HSPG2: variants seen among roughly 807,000 people sequenced by gnomAD.
HSPG2 encodes the protein basement membrane-specific heparan sulfate proteoglycan core protein.
HSPG2 carries 278 observed loss-of-function variants against 526.6 expected under a neutral mutation model. The ratio of observed to expected loss-of-function variants is 0.53; its 90% CI spans 0.48 to 0.58. The LOEUF (loss-of-function observed/expected upper bound fraction) is 0.58, where lower values mean the gene tolerates loss of function less well. Among genes scored for constraint, HSPG2 ranks in the 20% least tolerant of loss-of-function variants. The pLI is 0.00. For synonymous variants in HSPG2, 2,465 were observed against 2,555.4 expected (o/e 0.96, Z 1.07); for missense variants, 5,354 against 6,099.5 (o/e 0.88, Z 4.07).
intron 33 of HSPG2, among the ~76,000 whole-genome samples, chr1:21,868,530 C>T (rs1001941952): frequency 3.3e-5 from 5 of 152,198 alleles, no homozygotes; most frequent in African/African-American, 1.2e-4. Context: ...ACGCAGCACA[C>T]AGTAAATAAT....
Position 21,842,042 on chromosome 1 carries a change from G to A in HSPG2, c.9153C>T (p.Pro3051=). The A allele has an allele frequency of 1.9e-6, 3 of 1,613,600 alleles. No individual in the cohort carries two copies. Among genetic ancestry groups the A allele is most frequent in the Non-Finnish European group, 2.5e-6 (3 of 1,180,028 alleles). ...TCCGGGTCTTCCACTCGAGGCTGATGGGGGCTGCCCCGTCATGGATGAGGC... is the reference window on the plus strand; with the variant it reads ...TCCGGGTCTTCCACTCGAGGCTGATAGGGGCTGCCCCGTCATGGATGAGGC... ...FKCLIHDGAA[P]ISLEWKTRNQ... The change falls in exon 69 of 97, where the codon CCC becomes CCT. Residue 3051 remains proline (P), a synonymous_variant. Transcript: ENST00000374695.
chr1:21,921,019 C>T (rs1337183870), intron 1 of HSPG2, among the ~76,000 whole-genome samples: 1 of 152,236 alleles, frequency 6.6e-6, no homozygotes. Context: ...GATTCAATTT[C>T]CCTTTCTCCT....
intron 1 of HSPG2, among the ~76,000 whole-genome samples, chr1:21,915,233 G>A (rs1161235308): frequency 2.6e-5 from 4 of 152,248 alleles, no homozygotes; most frequent in Non-Finnish European, 5.9e-5. Flanking sequence ...TCTCTACACC[G>A]CTAAGGGGCC....
rs897753273 is a variant in HSPG2, at chr1:21,835,599, A to G, written c.10394T>C (p.Ile3465Thr). The change falls in exon 76 of 97, where the codon ATA (isoleucine) becomes ACA (threonine). Residue 3465 changes from isoleucine (I) to threonine (T), a missense_variant. By Grantham distance (89) the Ile-to-Thr change is moderately conservative (BLOSUM62 -1). Transcript: ENST00000374695. The part of the protein sequence containing the change: ...NLDQSCQGTY[I>T]CQAHGPWGKA... ...CCCCCAAGGTCCATGGGCCTGGCAT[A>G]TATACGTCCCTTGGCAGCTCTGGTC... 3.1e-6 allele frequency: 5 copies of G among 1,614,038 alleles called. No individual in the cohort carries two copies. Among genetic ancestry groups the G allele is most frequent in the Non-Finnish European group, 4.2e-6 (5 of 1,179,986 alleles).
In HSPG2 at chr1:21,829,409, A is replaced by C; in HGVS notation, c.11966T>G (p.Leu3989Arg). Residue 3989 changes from leucine to arginine, a missense_variant, in exon 87 of 97, where the codon CTG becomes CGG. Transcript: ENST00000374695. ...TGACCCCAACTCATAGCGGAACTCC[A>C]GGTGGCCGCCCACCATCGCCAGGGA... ...FVSLAMVGGH[L>R]EFRYELGSGL... 1 of 1,613,372 alleles carries C rather than the reference A, an allele frequency of 6.2e-7. No homozygotes were observed. Among genetic ancestry groups the C allele is most frequent in the South Asian group, 1.1e-5 (1 of 91,078 alleles).
chr1:21,929,648 T>C (rs1317907310), intron 1 of HSPG2, among the ~76,000 whole-genome samples: 1 of 138,706 alleles, frequency 7.2e-6, no homozygotes, highest in Non-Finnish European at 1.5e-5. Context: ...AAGACACAAA[T>C]AAATTAACTG....
rs1572142291 is a variant in HSPG2 at position 21,828,117 on chromosome 1, G to A, written c.12445C>T (p.Leu4149Phe). ...LCEHEENPCQ[L>F]REPCLHGGTC... ...CCCCCATGCAGACAGGGTTCACGGA[G>A]CTGGCAGGGGTTCTCCTCGTGCTCA... Residue 4149 changes from leucine (L) to phenylalanine (F), a missense_variant, in exon 90 of 97, where the codon CTC becomes TTC. Physicochemically the swap from Leu to Phe is conservative, Grantham distance 22 (BLOSUM62 0). Coordinates refer to ENST00000374695, the MANE Select transcript of HSPG2 (RefSeq NM_005529.7). This position sits in a 1 kb window ranked among gnomAD's most constrained non-coding sequence, Gnocchi z 6.0. 1 of 1,613,148 alleles carries A rather than the reference G, an allele frequency of 6.2e-7. No individual in the cohort carries two copies. The highest frequency in any genetic ancestry group is 1.3e-5 in the African/African-American group (1 of 74,984).
rs140928019 is a variant in HSPG2 at position 21,841,669 on chromosome 1, G to T, written c.9198C>A (p.Asn3066Lys). The T allele has an allele frequency of 1.2e-6, 2 of 1,614,046 alleles. No homozygotes were observed. The highest frequency in any genetic ancestry group is 1.7e-5 in the Admixed American group (1 of 60,006). ...WKTRNQELED[N>K]VHISPNGSII... is the part of the protein sequence containing the mutation. Reference sequence around the variant, plus strand: ...TGGAGCCATTGGGACTGATGTGGACGTTGTCTGTGAGGTTGCATGGGGGAG... The same window carrying T: ...TGGAGCCATTGGGACTGATGTGGACTTTGTCTGTGAGGTTGCATGGGGGAG... Residue 3066 changes from asparagine (N) to lysine (K), a missense_variant, in exon 70 of 97, where the codon AAC (asparagine) becomes AAA (lysine). Transcript: ENST00000374695.
At chr1:21,863,067 A>AAAAAAAAAAAAAAC (rs1475201448) in intron 37 of HSPG2, among the ~76,000 whole-genome samples, 45 of 75,222 alleles carry the variant, frequency 6.0e-4, no homozygotes, top group South Asian at 2.5e-3. Context: ...TCTCAAAAAA[A>AAAAAAAAAAAAAAC]AAAAAAAAAA....
chr1:21,876,699 G>T, intron 21 of HSPG2, 47 bp from the exon 22 acceptor site: 1 of 1,613,010 alleles, frequency 6.2e-7, no homozygotes, highest in Non-Finnish European at 8.5e-7. Context: ...GGGAGAGGCT[G>T]CCTGGAGCTC....
In HSPG2 at chr1:21,916,988, G is replaced by A. The variant is rs112664254; in HGVS notation, c.63+20167C>T. On this transcript the variant is annotated intron_variant, in intron 1 of 96. Coordinates refer to ENST00000374695, the MANE Select transcript of HSPG2 (RefSeq NM_005529.7). ...AGGCTGGAAACGGCTAACGGAAATC[G>A]AACATGTGTGGTGATAAGGCTGCCT... 2.6e-4 allele frequency among the ~76,000 whole-genome samples: 40 copies of A among 152,312 alleles called. 1 individual carries two copies. The highest frequency in any genetic ancestry group is 2.1e-3 in the East Asian group (11 of 5,184).
At position 21,829,401 on chromosome 1, in the gene HSPG2, G is replaced by A. The variant is rs150012971; in HGVS notation, c.11974C>T (p.Arg3992Cys). The A allele has an allele frequency of 1.6e-5, 26 of 1,613,364 alleles. No homozygotes were observed. The Admixed American group carries it at 1.7e-4, about 10-fold the overall frequency. The change falls in exon 87 of 97, where the codon CGC (arginine) becomes TGC (cysteine). Residue 3992 changes from arginine to cysteine, a missense_variant. Transcript: ENST00000374695. ...TGCTTACCTGACCCCAACTCATAGC[G>A]GAACTCCAGGTGGCCGCCCACCATC... ...LAMVGGHLEF[R>C]YELGSGLAVL...
In HSPG2 at chr1:21,896,239, T is replaced by C. The variant is rs540823413; in HGVS notation, c.135A>G (p.Gln45=). The C allele has an allele frequency of 1.9e-6, 3 of 1,613,920 alleles. No individual in the cohort carries two copies. In the Admixed American group the frequency reaches 5.0e-5, roughly 27 times the overall value. The change falls in exon 2 of 97, where the codon CAA becomes CAG. Residue 45 remains glutamine, a synonymous_variant. Coordinates refer to ENST00000374695, the MANE Select transcript of HSPG2 (RefSeq NM_005529.7). Reference sequence around the variant, plus strand: ...AAAGGTACGAATGTGTCCAGCGCATTTGGCTTGCTGTGACGGTCTCTATGT... The same window carrying C: ...AAAGGTACGAATGTGTCCAGCGCATCTGGCTTGCTGTGACGGTCTCTATGT... ...PEDIETVTAS[Q]MRWTHSYLSD... is the part of the protein sequence containing the mutation.
At chr1:21,850,285 C>T in intron 56 of HSPG2, 78 bp downstream of exon 56, 1 of 1,609,218 alleles carries the variant, frequency 6.2e-7, no homozygotes, top group South Asian at 1.1e-5. Context: ...GCGGCTTGGC[C>T]TCCTGATCCT....
chr1:21,890,199 C>T lies in HSPG2; in HGVS notation c.414-58G>A. ...AGCGAGACACCTGTGTTCTCAGCTC[C>T]TCCATGAGGCTCCCGCCCCGACGCT... On this transcript the variant is annotated intron_variant, in intron 5 of 96. Coordinates refer to ENST00000374695, the MANE Select transcript of HSPG2 (RefSeq NM_005529.7). The surrounding 1 kb of genome is among the most constrained non-coding windows in gnomAD (Gnocchi z 4.1). 1 of 1,594,184 alleles carries T rather than the reference C, an allele frequency of 6.3e-7. No individual in the cohort carries two copies. Among genetic ancestry groups the T allele is most frequent in the African/African-American group, 1.3e-5 (1 of 74,726 alleles).
intron 1 of HSPG2, among the ~76,000 whole-genome samples, chr1:21,907,091 T>C (rs66850327): frequency 0.3 from 45,957 of 152,070 alleles, 7,451 homozygotes; most frequent in East Asian, 0.45. Context: ...CTTCCCTCCC[T>C]GGCCATCAGT....
intron 37 of HSPG2, among the ~76,000 whole-genome samples, chr1:21,862,583 C>CAAAAAAAAAAAAAAA (rs1164705115): frequency 1.1e-4 from 1 of 9,274 alleles, no homozygotes; most frequent in Non-Finnish European, 4.5e-4. Context: ...GACTCCATCT[C>CAAAAAAAAAAAAAAA]AAAAAAAAAA....
At chr1:21,914,563 T>C (rs1243963467) in intron 1 of HSPG2, among the ~76,000 whole-genome samples, 2 of 151,976 alleles carry the variant, frequency 1.3e-5, no homozygotes, top group Non-Finnish European at 2.9e-5. Context: ...ACAACTCCCA[T>C]GGGGAGGAGC....
At chr1:21,860,832 G>A (rs370705566) in intron 39 of HSPG2, among the ~76,000 whole-genome samples, 2 of 152,302 alleles carry the variant, frequency 1.3e-5, no homozygotes, top group South Asian at 2.1e-4. Context: ...TGTGCTATAG[G>A]TGTTGGAAAT....
Sources: allele counts gnomAD v4.1 joint callset (sites outside exome capture counted in the v4.1 genomes callset), GRCh38; gene constraint gnomAD v4.1.1; non-coding constraint Gnocchi (gnomAD v3.1); transcripts MANE v1.5; gene names NCBI Gene and HGNC (gene_info 2026-07-23, HGNC 2026-07-21).